Variants in ATP7A observed in about 807,000 individuals in gnomAD.
ATP7A encodes the protein copper-transporting ATPase 1.
A neutral mutation model predicts 83.5 loss-of-function variants in ATP7A; 7 were observed. The observed-to-expected ratio is 0.08, with a 90% CI of 0.05 to 0.16. ATP7A has a LOEUF of 0.16. Ranked by LOEUF, ATP7A falls within the 10% of genes least tolerant of loss-of-function variation. The pLI is 1.00. For synonymous variants in ATP7A, 354 were observed against 395.2 expected, an observed-to-expected ratio of 0.90 and a Z score of 1.24; for missense variants, 940 against 1,120.8, an observed-to-expected ratio of 0.84 and a Z score of 2.30.
chrX:78,037,337 A>G (rs1297675152), intron 17 of ATP7A, among the ~76,000 whole-genome samples: 2 of 112,523 alleles, frequency 1.8e-5, no homozygotes, highest in African/African-American at 6.5e-5. Flanking sequence ...CATTTAATTT[A>G]ATTTAAAATT....
At chrX:77,917,899 G>A (rs1409180475) in intron 1 of ATP7A, among the ~76,000 whole-genome samples, 5 of 111,814 alleles carry the variant, frequency 4.5e-5, no homozygotes, top group Admixed American at 1.9e-4. Flanking sequence ...AGAAGCTTAT[G>A]TAGTAAGTAT....
intron 15 of ATP7A, among the ~76,000 whole-genome samples, chrX:78,030,955 TGC>T (rs1405812903): frequency 2.7e-5 from 3 of 110,946 alleles, no homozygotes; most frequent in Non-Finnish European, 5.7e-5. Flanking sequence ...TCTCTGAAAG[TGC>T]TGGGATTATA....
chrX:77,961,724 C>G (rs1557228098), intron 1 of ATP7A, among the ~76,000 whole-genome samples: 1 of 111,074 alleles, frequency 9.0e-6, no homozygotes, highest in Non-Finnish European at 1.9e-5. Flanking sequence ...TCCTGGGCTC[C>G]TAATACCTTC....
chrX:77,996,267 G>C (rs1603382642), intron 4 of ATP7A, among the ~76,000 whole-genome samples: 1 of 111,048 alleles, frequency 9.0e-6, no homozygotes, highest in Non-Finnish European at 1.9e-5. Flanking sequence ...TGATGTTTAT[G>C]ATTATTTTAA....
intron 7 of ATP7A, chrX:78,009,557 A>G (rs782466156): frequency 7.1e-6 from 2 of 282,049 alleles, no homozygotes; most frequent in East Asian, 1.5e-4. Context: ...TTTGTTATAA[A>G]TAAGATTCAT....
chrX:77,964,764 TGC>T (rs1212879061), intron 1 of ATP7A: 51 of 112,010 alleles, frequency 4.6e-4, no homozygotes, highest in African/African-American at 1.7e-3. Flanking sequence ...TTTTTATGGC[TGC>T]GGAGTATTCC....
chrX:77,918,078 T>G (rs1166594742), intron 1 of ATP7A, among the ~76,000 whole-genome samples: 6 of 108,252 alleles, frequency 5.5e-5, no homozygotes, highest in Non-Finnish European at 1.2e-4. Context: ...TTTTTTTTTT[T>G]TTTTTTGAGA....
chrX:78,011,144 T>A, intron 7 of ATP7A, 32 bp from the exon 8 acceptor site: 2 of 1,135,359 alleles, frequency 1.8e-6, no homozygotes, highest in Non-Finnish European at 2.4e-6. Flanking sequence ...ATATGTTCAG[T>A]GAAATAATTT....
In ATP7A at chrX:78,038,889, A is replaced by G. The variant is rs368917354; in HGVS notation, c.3565A>G (p.Ile1189Val). Reference sequence around the variant, plus strand: ...CCTCATTGGTAACCGGGAGTGGATGATTAGAAATGGTCTTGTCATTAATAA... The same window carrying G: ...CCTCATTGGTAACCGGGAGTGGATGGTTAGAAATGGTCTTGTCATTAATAA... ...KVLIGNREWM[I>V]RNGLVINNDV... The change falls in exon 18 of 23, where the codon ATT (isoleucine) becomes GTT (valine). Residue 1189 changes from isoleucine (I) to valine (V), a missense_variant. Physicochemically the swap from Ile to Val is conservative, Grantham distance 29. Transcript: ENST00000341514. The G allele has an allele frequency of 2.0e-4, 242 of 1,208,975 alleles. No homozygotes were observed. The highest frequency in any genetic ancestry group is 2.6e-4 in the Non-Finnish European group (230 of 894,125).
chrX:77,943,466 T>A (rs1015153212), intron 1 of ATP7A, among the ~76,000 whole-genome samples: 6 of 111,964 alleles, frequency 5.4e-5, no homozygotes, highest in Non-Finnish European at 1.1e-4. Flanking sequence ...AAAAGCTATC[T>A]ACAAATGTCC....
intron 17 of ATP7A, among the ~76,000 whole-genome samples, chrX:78,036,960 G>A (rs1485028635): frequency 8.9e-6 from 1 of 111,747 alleles, no homozygotes; most frequent in Non-Finnish European, 1.9e-5. Context: ...TTTTTCTCAT[G>A]GGTTGGATAT....
Position 78,009,246 on chromosome X carries a change from A to G in ATP7A, c.1852A>G (p.Ile618Val). The change falls in exon 7 of 23, where the codon ATT (isoleucine) becomes GTT (valine). Residue 618 changes from isoleucine (I) to valine (V), a missense_variant. Ile to Val is a conservative substitution (Grantham distance 29). This residue lies in a region of ATP7A where 204 missense variants were observed against 185.8 expected (regional missense o/e 1.10). Transcript: ENST00000341514. ...CCCAGAAATTATTGGTCCTAGAGAT[A>G]TTATCCATACAATTGAAGTAAGTGC... ...YDPEIIGPRDIIHTIESLGFE... is the reference protein window; with the variant it reads ...YDPEIIGPRDVIHTIESLGFE... 8.3e-7 allele frequency: 1 copy of G among 1,210,017 alleles called. No homozygotes were observed. The highest frequency in any genetic ancestry group is 1.1e-6 in the Non-Finnish European group (1 of 894,432).
chrX:77,974,604 G>A (rs1420268458), intron 2 of ATP7A: 2 of 277,208 alleles, frequency 7.2e-6, no homozygotes, highest in Middle Eastern at 9.6e-4. Flanking sequence ...GTAGAGTTTT[G>A]TAAATACTAT....
chrX:78,044,217 G>T (rs1459685915), intron 21 of ATP7A, among the ~76,000 whole-genome samples: 1 of 90,212 alleles, frequency 1.1e-5, no homozygotes, highest in East Asian at 3.4e-4. Context: ...TCGCGCCATC[G>T]CACTTCAGCC....
intron 14 of ATP7A, among the ~76,000 whole-genome samples, chrX:78,021,569 A>G (rs1326797251): frequency 1.8e-5 from 2 of 112,009 alleles, no homozygotes; most frequent in Non-Finnish European, 3.8e-5. Flanking sequence ...AATATAAGAT[A>G]TTATTAGTGT....
intron 1 of ATP7A, among the ~76,000 whole-genome samples, chrX:77,913,377 C>T (rs1286195046): frequency 2.7e-5 from 3 of 110,886 alleles, no homozygotes; most frequent in Non-Finnish European, 5.7e-5. Context: ...AACGATATTT[C>T]TTAGGATATA....
chrX:77,926,944 CCT>C, intron 1 of ATP7A, among the ~76,000 whole-genome samples: 1 of 110,849 alleles, frequency 9.0e-6, no homozygotes, highest in East Asian at 2.8e-4. Flanking sequence ...CTCAAGTGAT[CCT>C]CCTGCCTCAG....
At chrX:77,946,749 A>C (rs1360627342) in intron 1 of ATP7A, among the ~76,000 whole-genome samples, 7 of 109,212 alleles carry the variant, frequency 6.4e-5, no homozygotes, top group African/African-American at 6.6e-5. Flanking sequence ...AAAAAAAAAA[A>C]ACCTCAGAAA....
intron 4 of ATP7A, among the ~76,000 whole-genome samples, chrX:77,994,873 A>G (rs980619575): frequency 9.0e-6 from 1 of 110,987 alleles, no homozygotes; most frequent in African/African-American, 3.3e-5. Flanking sequence ...TTTTACCTCA[A>G]CCTACTATTG....
Sources: allele counts gnomAD v4.1 joint callset (sites outside exome capture counted in the v4.1 genomes callset), GRCh38; gene constraint gnomAD v4.1.1; regional missense constraint gnomAD v4.1.1; transcripts MANE v1.5; gene names NCBI Gene and HGNC (gene_info 2026-07-23, HGNC 2026-07-21).